DGKB: variants seen among roughly 807,000 people sequenced by gnomAD.
DGKB encodes diacylglycerol kinase beta.
Under a neutral mutation model 114.3 loss-of-function variants are expected in DGKB, and 67 were observed. The observed-to-expected ratio is 0.59, with a 90% CI of 0.48 to 0.72. DGKB has a LOEUF of 0.72. DGKB is among the 30% of genes least tolerant of loss of function. The probability of loss-of-function intolerance (pLI) is 0.00; values close to 1 mark genes in which losing one functional copy is unlikely to be tolerated. For missense variants in DGKB, 907 were observed against 975.2 expected (o/e 0.93, Z 0.93); for synonymous variants, 398 against 323.1 (o/e 1.23, Z -2.49).
At chr7:14,825,002 ATATG>A (rs1430991476) in intron 2 of DGKB, among the ~76,000 whole-genome samples, 1 of 125,598 alleles carries the variant, frequency 8.0e-6, no homozygotes, top group Non-Finnish European at 1.6e-5. Context: ...GTGTATATAT[ATATG>A]TATGTGTATG....
At chr7:14,577,927 T>C (rs1026447024) in intron 19 of DGKB, among the ~76,000 whole-genome samples, 11 of 152,186 alleles carry the variant, frequency 7.2e-5, no homozygotes, top group African/African-American at 2.7e-4. Flanking sequence ...TTACTGCAAC[T>C]GCATAAAGTA....
At chr7:14,542,868 C>A (rs889286318) in intron 20 of DGKB, among the ~76,000 whole-genome samples, 1 of 152,174 alleles carries the variant, frequency 6.6e-6, no homozygotes, top group African/African-American at 2.4e-5. Flanking sequence ...GCTCTCAAAT[C>A]TGTGTTTACG....
chr7:14,613,229 C>A, intron 16 of DGKB, 111 bp downstream of exon 16: 1 of 624,098 alleles, frequency 1.6e-6, no homozygotes, highest in Non-Finnish European at 2.8e-6. Context: ...ATTTATTTTG[C>A]ATTAAAATTA....
At chr7:14,256,357 T>C (rs1200395519) in intron 23 of DGKB, among the ~76,000 whole-genome samples, 1 of 152,036 alleles carries the variant, frequency 6.6e-6, no homozygotes, top group Non-Finnish European at 1.5e-5. Context: ...TCATTAATTT[T>C]TAATCTTTTT....
intron 1 of DGKB, among the ~76,000 whole-genome samples, chr7:14,963,078 G>A (rs1786954294): frequency 6.6e-6 from 1 of 152,038 alleles, no homozygotes; most frequent in African/African-American, 2.4e-5. Context: ...TGACCAGACA[G>A]TTTTCAGGCT....
chr7:14,232,705 C>T (rs1266453639), intron 23 of DGKB, among the ~76,000 whole-genome samples: 1 of 151,882 alleles, frequency 6.6e-6, no homozygotes, highest in Non-Finnish European at 1.5e-5. Flanking sequence ...AGAAACACCC[C>T]AAATGTGTTA....
intron 1 of DGKB, among the ~76,000 whole-genome samples, chr7:14,923,462 G>T (rs375221524): frequency 6.6e-6 from 1 of 152,072 alleles, no homozygotes; most frequent in African/African-American, 2.4e-5. Context: ...TCCACTCAAA[G>T]CTCTGTTTCC....
At chr7:14,763,905 T>A (rs1836074723) in intron 2 of DGKB, among the ~76,000 whole-genome samples, 1 of 152,002 alleles carries the variant, frequency 6.6e-6, no homozygotes, top group Non-Finnish European at 1.5e-5. Context: ...CCACGTTCAG[T>A]AGAGATATTG....
At chr7:14,727,374 C>T (rs767554110) in intron 5 of DGKB, among the ~76,000 whole-genome samples, 33 of 152,128 alleles carry the variant, frequency 2.2e-4, no homozygotes, top group Non-Finnish European at 4.4e-4. Context: ...AACAGGACCA[C>T]AAAATTATTG....
intron 20 of DGKB, among the ~76,000 whole-genome samples, chr7:14,525,832 T>C (rs1467720806): frequency 6.6e-6 from 1 of 151,738 alleles, no homozygotes; most frequent in African/African-American, 2.4e-5. Context: ...TATTAATGCG[T>C]TGTCATCATT....
At chr7:14,938,642 T>C (rs1488599619) in intron 1 of DGKB, among the ~76,000 whole-genome samples, 1 of 152,020 alleles carries the variant, frequency 6.6e-6, no homozygotes, top group East Asian at 1.9e-4. Flanking sequence ...TTCTCATTGC[T>C]TCTTATTTTA....
At chr7:14,837,698 C>T (rs1847345890) in intron 2 of DGKB, among the ~76,000 whole-genome samples, 1 of 152,040 alleles carries the variant, frequency 6.6e-6, no homozygotes, top group South Asian at 2.1e-4. Context: ...CATGAAAAAT[C>T]TAATCTTTAA....
chr7:14,648,351 A>T (rs1371977715), intron 13 of DGKB, among the ~76,000 whole-genome samples: 1 of 152,190 alleles, frequency 6.6e-6, no homozygotes, highest in African/African-American at 2.4e-5. Context: ...ACCCCCGAGC[A>T]GCCTAACTGG....
intron 20 of DGKB, among the ~76,000 whole-genome samples, chr7:14,537,789 C>T (rs904693315): frequency 6.6e-6 from 1 of 152,020 alleles, no homozygotes. Flanking sequence ...AAAATAAATA[C>T]GTGGGACTGG....
In DGKB at chr7:14,438,804, T is replaced by C. The variant is rs569356860; in HGVS notation, c.1835+39357A>G. Among the ~76,000 whole-genome samples the C allele has an allele frequency of 2.0e-5, 3 of 152,272 alleles. No homozygotes were observed. The South Asian group carries it at 6.2e-4, about 32-fold the overall frequency. ...TCTAAAAGAAGCAGATAATTAAGTA[T>C]CACCTAATTATCTTCCCTATATCTT... On this transcript the variant is annotated intron_variant, in intron 21 of 25. Transcript: ENST00000402815.
intron 20 of DGKB, among the ~76,000 whole-genome samples, chr7:14,546,068 G>T (rs974358711): frequency 2.0e-5 from 3 of 152,074 alleles, no homozygotes; most frequent in African/African-American, 7.2e-5. Context: ...CCAATAATCT[G>T]GTTTTTCTTC....
intron 21 of DGKB, among the ~76,000 whole-genome samples, chr7:14,470,767 T>A (rs1009276232): frequency 6.6e-6 from 1 of 151,702 alleles, no homozygotes; most frequent in African/African-American, 2.4e-5. Context: ...CAATTGGCTT[T>A]TTTCATTTGT....
chr7:14,432,115 C>G (rs578239592), intron 21 of DGKB, among the ~76,000 whole-genome samples: 1 of 152,258 alleles, frequency 6.6e-6, no homozygotes, highest in Non-Finnish European at 1.5e-5. Context: ...GTAACAGCAT[C>G]TATACAGAAT....
At chr7:14,905,577 AATC>A (rs1225101470), upstream of DGKB, among the ~76,000 whole-genome samples, 160 of 152,296 alleles carry the variant, frequency 1.1e-3, 1 homozygote, top group Admixed American at 0.01. Flanking sequence ...TCCTCAACAT[AATC>A]ATCAATTTGT....
Sources: gnomAD v4.1 joint callset for allele counts (sites outside exome capture counted in the v4.1 genomes callset) on GRCh38, gnomAD v4.1.1 for gene constraint, MANE v1.5 for transcripts, NCBI Gene and HGNC (gene_info 2026-07-23, HGNC 2026-07-21) for gene names.